Variants in USP24 observed in about 807,000 individuals in gnomAD.
USP24 encodes ubiquitin carboxyl-terminal hydrolase 24.
USP24 carries 97 observed loss-of-function variants against 361.6 expected under a neutral mutation model. The observed-to-expected ratio is 0.27, with a 90% CI of 0.23 to 0.32. The LOEUF (loss-of-function observed/expected upper bound fraction) is 0.32, where lower values mean the gene tolerates loss of function less well. USP24 is among the 10% of genes least tolerant of loss of function. The pLI is 1.00. For missense variants in USP24, 2,353 were observed against 3,165.6 expected (o/e 0.74, Z 6.16); for synonymous variants, 1,098 against 1,124.6 (o/e 0.98, Z 0.47).
rs1005619373 is a variant in USP24 at position 55,071,598 on chromosome 1, G to A, written c.7800+216C>T. On this transcript the variant is annotated intron_variant, in intron 67 of 67. Transcript: ENST00000294383. The stretch of plus-strand genomic sequence containing the variant: ...GGGTGGCCAGCCACAAACACCTCGA[G>A]GCCTTCCATTCACTTCACACTGCAG... 4 of 1,247,952 alleles carry A rather than the reference G, an allele frequency of 3.2e-6. No individual in the cohort carries two copies. In the African/African-American group the frequency reaches 6.1e-5, roughly 19 times the overall value. The allele number at this position is 1,247,952 out of a possible 1,614,324, so 77.3% of individuals were successfully genotyped here. A position where few individuals can be genotyped will look rare whatever the true frequency, so the allele number is the denominator to read the frequency against.
intron 26 of USP24, 46 bp downstream of exon 26, chr1:55,138,562 T>C: frequency 7.1e-7 from 1 of 1,399,148 alleles, no homozygotes. Flanking sequence ...TTTATGAAAA[T>C]AATAAGACAA....
chr1:55,107,327 G>C lies in USP24; in HGVS notation c.4674C>G (p.Thr1558=). The C allele has an allele frequency of 6.2e-7, 1 of 1,613,864 alleles. No individual in the cohort carries two copies. Among genetic ancestry groups the C allele is most frequent in the Non-Finnish European group, 8.5e-7 (1 of 1,179,854 alleles). The stretch of plus-strand genomic sequence containing the variant: ...CCAGTAAGATGTTGTCCGCTTCACT[G>C]GTCTCACATTCAGCTGTACGATTAG... ...FEPNRTAECE[T]SEADNILLAG... is the part of the protein sequence containing the mutation. The change falls in exon 40 of 68, where the codon ACC becomes ACG. Residue 1558 remains threonine, a synonymous_variant. Transcript: ENST00000294383.
intron 56 of USP24, among the ~76,000 whole-genome samples, chr1:55,085,161 G>T (rs571424959): frequency 6.6e-6 from 1 of 152,008 alleles, no homozygotes; most frequent in Non-Finnish European, 1.5e-5. Context: ...ACTTCCTAAT[G>T]ATTCCCGGAA....
At chr1:55,157,084 T>C in intron 11 of USP24, 33 bp from the exon 12 acceptor site, 2 of 1,534,972 alleles carry the variant, frequency 1.3e-6, no homozygotes, top group Middle Eastern at 1.7e-4. Flanking sequence ...GAAAGTCAGA[T>C]ATAGTGAACA....
At chr1:55,145,961 A>G (rs956622420) in intron 20 of USP24, 37 bp downstream of exon 20, 2 of 1,412,342 alleles carry the variant, frequency 1.4e-6, no homozygotes, top group African/African-American at 2.8e-5. Context: ...TTCTTACTTA[A>G]AAGTACTGAA....
chr1:55,202,836 T>C (rs1557706033), intron 1 of USP24, among the ~76,000 whole-genome samples: 1 of 152,216 alleles, frequency 6.6e-6, no homozygotes, highest in Admixed American at 6.5e-5. Flanking sequence ...GTGATAGCAA[T>C]TGCTCAATCT....
intron 55 of USP24, among the ~76,000 whole-genome samples, chr1:55,089,389 A>G (rs1218380150): frequency 6.6e-6 from 1 of 152,162 alleles, no homozygotes; most frequent in Non-Finnish European, 1.5e-5. Flanking sequence ...CCACGTGCCT[A>G]TGAGTACCTG....
At chr1:55,138,570 C>T (rs1448194976) in intron 26 of USP24, 38 bp downstream of exon 26, 2 of 1,427,696 alleles carry the variant, frequency 1.4e-6, no homozygotes, top group East Asian at 2.3e-5. Context: ...AATAATAAGA[C>T]AACATGAAAA....
At chr1:55,079,495 A>C in intron 60 of USP24, 43 bp downstream of exon 60, 1 of 1,554,886 alleles carries the variant, frequency 6.4e-7, no homozygotes, top group Non-Finnish European at 8.6e-7. Flanking sequence ...AATTTTCCTC[A>C]AACAGGAGGG....
intron 54 of USP24, among the ~76,000 whole-genome samples, chr1:55,091,712 C>T (rs763961328): frequency 8.5e-5 from 13 of 152,162 alleles, no homozygotes; most frequent in Non-Finnish European, 1.6e-4. Flanking sequence ...CTCTGTTTTG[C>T]CTTTCGAAAC....
At position 55,117,590 on chromosome 1, in the gene USP24, C is replaced by T. The variant is rs557102149; in HGVS notation, c.4508+3006G>A. ...AAAAATACAAAAAATTAGCCGGGCG[C>T]GGTGGCGGGCGCCTGTAGTCCCAGC... On this transcript the variant is annotated intron_variant, in intron 38 of 67. Coordinates refer to ENST00000294383, the MANE Select transcript of USP24 (RefSeq NM_015306.3). Among the ~76,000 whole-genome samples the T allele has an allele frequency of 3.3e-4, 50 of 151,430 alleles. No individual in the cohort carries two copies. The South Asian group carries it at 6.2e-3, about 19-fold the overall frequency.
chr1:55,074,025 C>A, intron 63 of USP24, 119 bp from the exon 64 acceptor site: 16 of 559,206 alleles, frequency 2.9e-5, no homozygotes, highest in East Asian at 5.3e-5. Flanking sequence ...AGATAAGGAA[C>A]AACTTAACTA....
At chr1:55,201,600 C>CAAAAAAAAAAAAAAAAA in intron 1 of USP24, among the ~76,000 whole-genome samples, 1 of 35,448 alleles carries the variant, frequency 2.8e-5, no homozygotes, top group Non-Finnish European at 4.4e-5. Context: ...GACTCCATCT[C>CAAAAAAAAAAAAAAAAA]AAAAAAAAAA....
intron 57 of USP24, 63 bp from the exon 58 acceptor site, chr1:55,083,427 A>T: frequency 6.6e-7 from 1 of 1,506,312 alleles, no homozygotes; most frequent in Admixed American, 1.8e-5. Flanking sequence ...GGTTTTAAAA[A>T]CACAGCTAAA....
At chr1:55,097,543 G>T in intron 48 of USP24, 55 bp downstream of exon 48, 2 of 1,511,876 alleles carry the variant, frequency 1.3e-6, no homozygotes, top group Non-Finnish European at 1.8e-6. Context: ...GAAAAAAAAA[G>T]AAGTGAGTGA....
At chr1:55,140,653 T>C (rs1646860904) in intron 24 of USP24, among the ~76,000 whole-genome samples, 1 of 152,188 alleles carries the variant, frequency 6.6e-6, no homozygotes, top group Non-Finnish European at 1.5e-5. Context: ...AGCAAAGGAA[T>C]ATCCCGTTGT....
intron 1 of USP24, among the ~76,000 whole-genome samples, chr1:55,181,996 G>A (rs950894838): frequency 2.0e-5 from 3 of 152,230 alleles, no homozygotes; most frequent in African/African-American, 7.2e-5. Flanking sequence ...TGAGGACACA[G>A]CAAGAAGGCA....
chr1:55,086,712 G>C (rs1398160285), intron 55 of USP24, among the ~76,000 whole-genome samples: 2 of 152,198 alleles, frequency 1.3e-5, no homozygotes, highest in Non-Finnish European at 2.9e-5. Flanking sequence ...TTTACCTTCA[G>C]ATACACGCTG....
rs147137496 is a variant in USP24 at position 55,123,197 on chromosome 1, G to A, written c.4276+250C>T. ...GCTCTTTGAATTCCTCAACTAGACA[G>A]CAAGCTCGTGGTGTGCAGACATACT... On this transcript the variant is annotated intron_variant, in intron 36 of 67. Coordinates refer to ENST00000294383, the MANE Select transcript of USP24 (RefSeq NM_015306.3). 3.8e-3 allele frequency among the ~76,000 whole-genome samples: 577 copies of A among 152,324 alleles called. 5 individuals carry two copies. Among genetic ancestry groups the A allele is most frequent in the African/African-American group, 0.013 (540 of 41,570 alleles).
Sources: gnomAD v4.1 joint callset for allele counts (sites outside exome capture counted in the v4.1 genomes callset) on GRCh38, gnomAD v4.1.1 for gene constraint, MANE v1.5 for transcripts, NCBI Gene and HGNC (gene_info 2026-07-23, HGNC 2026-07-21) for gene names.